Variants in NLGN4X observed in about 807,000 individuals in gnomAD.
NLGN4X encodes neuroligin-4, X-linked.
NLGN4X carries 3 observed loss-of-function variants against 40.3 expected under a neutral mutation model. That is an observed-to-expected ratio of 0.07 (90% confidence interval 0.03 to 0.19). The LOEUF is 0.19. Among genes scored for constraint, NLGN4X ranks in the 10% least tolerant of loss-of-function variants. NLGN4X has a pLI of 1.00. For missense variants in NLGN4X, 382 were observed against 708.3 expected (o/e 0.54, Z 5.23); for synonymous variants, 270 against 306.8 (o/e 0.88, Z 1.25).
intron 2 of NLGN4X, among the ~76,000 whole-genome samples, chrX:6,132,172 A>G (rs1167749547): frequency 8.9e-6 from 1 of 111,894 alleles, no homozygotes; most frequent in Non-Finnish European, 1.9e-5. Flanking sequence ...TCACAACATC[A>G]GCACTGTGGG....
intron 3 of NLGN4X, among the ~76,000 whole-genome samples, chrX:5,919,799 C>G (rs1436913942): frequency 8.9e-6 from 1 of 111,906 alleles, no homozygotes; most frequent in Non-Finnish European, 1.9e-5. Context: ...AAATCAGTCC[C>G]TGGTGCCAAA....
intron 3 of NLGN4X, among the ~76,000 whole-genome samples, chrX:5,912,466 G>C (rs972574081): frequency 9.0e-6 from 1 of 111,428 alleles, no homozygotes; most frequent in Non-Finnish European, 1.9e-5. Flanking sequence ...CATTTAGCCA[G>C]CTCTGCAGGA....
intron 4 of NLGN4X, 81 bp downstream of exon 4, chrX:5,908,973 A>G: frequency 9.4e-7 from 1 of 1,065,126 alleles, no homozygotes; most frequent in Admixed American, 2.5e-5. Context: ...TAACCAGGAC[A>G]TGCATCTGAG....
At chrX:5,927,539 T>C (rs1015006690) in intron 3 of NLGN4X, among the ~76,000 whole-genome samples, 2 of 112,536 alleles carry the variant, frequency 1.8e-5, no homozygotes, top group Non-Finnish European at 3.8e-5. Flanking sequence ...TAGGTCCTCA[T>C]AAAAGCACCA....
chrX:5,996,136 A>T (rs2035810488), intron 3 of NLGN4X, among the ~76,000 whole-genome samples: 1 of 112,032 alleles, frequency 8.9e-6, no homozygotes, highest in Non-Finnish European at 1.9e-5. Context: ...CCCTGAAAGG[A>T]TTCCCTGGAA....
chrX:6,017,110 T>G (rs950324084), intron 3 of NLGN4X, among the ~76,000 whole-genome samples: 5 of 111,651 alleles, frequency 4.5e-5, no homozygotes, highest in African/African-American at 1.6e-4. Context: ...ATGTAAGTTG[T>G]TTCAAATAAA....
intron 2 of NLGN4X, among the ~76,000 whole-genome samples, chrX:6,081,162 C>T (rs770880763): frequency 1.8e-5 from 2 of 111,622 alleles, no homozygotes; most frequent in African/African-American, 6.5e-5. Flanking sequence ...GTGGTGCACA[C>T]CTGTGGTCCA....
At chrX:5,959,877 T>C (rs2034604006) in intron 3 of NLGN4X, among the ~76,000 whole-genome samples, 1 of 111,527 alleles carries the variant, frequency 9.0e-6, no homozygotes, top group African/African-American at 3.3e-5. Context: ...CTGGCAACTC[T>C]GAATGAGTAA....
At chrX:5,946,867 T>C (rs1331968521) in intron 3 of NLGN4X, among the ~76,000 whole-genome samples, 2 of 111,153 alleles carry the variant, frequency 1.8e-5, no homozygotes, top group Non-Finnish European at 3.8e-5. Context: ...GTGTCTGTTG[T>C]TCCCTACTAT....
chrX:5,966,826 T>G (rs907722890), intron 3 of NLGN4X, among the ~76,000 whole-genome samples: 3 of 111,936 alleles, frequency 2.7e-5, no homozygotes, highest in African/African-American at 9.7e-5. Flanking sequence ...TTTGGGAAAT[T>G]GGCTTTAACA....
chrX:6,110,243 G>T lies in NLGN4X; in HGVS notation c.472+40752C>A, dbSNP rs181894254. ...CACAGGTACAAAGCCAATCTAGGGG[G>T]TGGGGGCAGGCTGCTGTCTAGACGC... On this transcript the variant is annotated intron_variant, in intron 2 of 5. Transcript: ENST00000381095. Among the ~76,000 whole-genome samples, 84 of 111,814 alleles carry T rather than the reference G, an allele frequency of 7.5e-4. No individual in the cohort carries two copies. The East Asian group carries it at 8.8e-3, about 12-fold the overall frequency.
intron 5 of NLGN4X, among the ~76,000 whole-genome samples, chrX:5,897,444 T>C (rs1355917161): frequency 9.0e-6 from 1 of 111,599 alleles, no homozygotes; most frequent in Non-Finnish European, 1.9e-5. Context: ...TAGTTTTCAC[T>C]TCTCCTTGAC....
In NLGN4X at chrX:6,175,034, T is replaced by C. The variant is rs774896746; in HGVS notation, c.-305-23263A>G. 5.4e-5 allele frequency among the ~76,000 whole-genome samples: 6 copies of C among 111,984 alleles called. No homozygotes were observed. In the South Asian group the frequency reaches 2.2e-3, roughly 42 times the overall value. ...ACACAAATCTACAACTTAATAAATA[T>C]GTATTGCTTTCTATTAATCTGCCTT... On this transcript the variant is annotated intron_variant, in intron 1 of 5. Transcript: ENST00000381095.
intron 3 of NLGN4X, among the ~76,000 whole-genome samples, chrX:6,011,437 TC>T (rs1356044166): frequency 9.1e-6 from 1 of 109,792 alleles, no homozygotes; most frequent in Non-Finnish European, 1.9e-5. Flanking sequence ...TCTGGCATGA[TC>T]CTAGTAAAAT....
chrX:6,221,804 T>C (rs1179222433), intron 1 of NLGN4X, among the ~76,000 whole-genome samples: 1 of 110,372 alleles, frequency 9.1e-6, no homozygotes, highest in Non-Finnish European at 1.9e-5. Flanking sequence ...GCTCTGACCA[T>C]TGGAGTCACA....
intron 3 of NLGN4X, among the ~76,000 whole-genome samples, chrX:5,921,380 T>C (rs887531919): frequency 1.9e-5 from 1 of 52,427 alleles, no homozygotes; most frequent in Admixed American, 2.6e-4. Context: ...TCAGCGGCAT[T>C]GAAAATGAAC....
chrX:6,029,608 T>C (rs1181287476), intron 2 of NLGN4X, among the ~76,000 whole-genome samples, 176 bp from the exon 3 acceptor site: 3 of 111,921 alleles, frequency 2.7e-5, no homozygotes, highest in Non-Finnish European at 5.6e-5. Context: ...ATCAATGCTA[T>C]TACGTTTTCT....
chrX:5,902,751 T>G (rs1288346583), intron 5 of NLGN4X, among the ~76,000 whole-genome samples: 1 of 112,211 alleles, frequency 8.9e-6, no homozygotes, highest in Non-Finnish European at 1.9e-5. Flanking sequence ...CCATCATATA[T>G]GTATGAGTCC....
intron 2 of NLGN4X, among the ~76,000 whole-genome samples, chrX:6,109,156 C>T (rs781333876): frequency 1.7e-4 from 19 of 111,231 alleles, no homozygotes; most frequent in Non-Finnish European, 3.4e-4. Flanking sequence ...ATACAAGCTA[C>T]TCCAGAGGCT....
Sources: allele counts gnomAD v4.1 joint callset (sites outside exome capture counted in the v4.1 genomes callset), GRCh38; gene constraint gnomAD v4.1.1; transcripts MANE v1.5; gene names NCBI Gene and HGNC (gene_info 2026-07-23, HGNC 2026-07-21).